SYTL5: variants seen among roughly 807,000 people sequenced by gnomAD.
The protein encoded by SYTL5 is synaptotagmin-like protein 5.
In SYTL5, 34 loss-of-function variants were observed where a neutral mutation model predicts 55.9. The observed-to-expected ratio is 0.61, with a 90% CI of 0.46 to 0.81. The LOEUF is 0.81. Among genes scored for constraint, SYTL5 ranks in the 30% least tolerant of loss-of-function variants. SYTL5 has a pLI of 0.00. For missense variants in SYTL5, 637 were observed against 546.7 expected (o/e 1.17, Z -1.65); for synonymous variants, 221 against 188.7 (o/e 1.17, Z -1.40).
In SYTL5 at chrX:38,054,264, A is replaced by T. The variant is rs1935708367; in HGVS notation, c.171A>T (p.Gln57His). 3.3e-6 allele frequency: 4 copies of T among 1,209,337 alleles called. No homozygotes were observed. Among genetic ancestry groups the T allele is most frequent in the Non-Finnish European group, 4.5e-6 (4 of 895,038 alleles). Residue 57 changes from glutamine (Q) to histidine (H), a missense_variant, in exon 3 of 17, where the codon CAA (glutamine) becomes CAT (histidine). Gln to His is a conservative substitution (Grantham distance 24). Transcript: ENST00000297875. ...LEAKRRSGKT[Q>H]QEASRVCVHC... ...CAAAACGTAGAAGTGGGAAAACTCA[A>T]CAAGAGGCCAGCAGAGTTTGTGTTC...
At chrX:38,038,958 A>G (rs765045150) in intron 2 of SYTL5, among the ~76,000 whole-genome samples, 2 of 111,739 alleles carry the variant, frequency 1.8e-5, no homozygotes, top group Admixed American at 1.9e-4. Context: ...TAGGCCTGAC[A>G]CCCAAATGTG....
chrX:38,024,813 C>T (rs998782307), intron 1 of SYTL5, among the ~76,000 whole-genome samples: 3 of 111,399 alleles, frequency 2.7e-5, no homozygotes, highest in African/African-American at 9.8e-5. Context: ...CTGTTAGCCT[C>T]TCTACTGTTA....
chrX:37,935,114 A>T, the SYTL5 span, among the ~76,000 whole-genome samples: 1 of 112,212 alleles, frequency 8.9e-6, no homozygotes, highest in Admixed American at 9.5e-5. Flanking sequence ...ATCATCACAG[A>T]TCAGGAATCT....
At chrX:38,082,219 ATTG>A (rs1239092234) in intron 6 of SYTL5, among the ~76,000 whole-genome samples, 3 of 111,550 alleles carry the variant, frequency 2.7e-5, no homozygotes, top group African/African-American at 9.8e-5. Context: ...TGTTTCTCCA[ATTG>A]TTTCCCATGG....
chrX:38,016,377 A>G (rs1293992816), intron 1 of SYTL5, among the ~76,000 whole-genome samples: 1 of 111,845 alleles, frequency 8.9e-6, no homozygotes, highest in Non-Finnish European at 1.9e-5. Context: ...CTTACTCTCC[A>G]CAGCTCCTTG....
At chrX:38,021,023 T>G (rs183527699) in intron 1 of SYTL5, among the ~76,000 whole-genome samples, 25 of 111,621 alleles carry the variant, frequency 2.2e-4, no homozygotes, top group Non-Finnish European at 7.5e-5. Context: ...CAACACCAAC[T>G]TTGAGAGGGT....
chrX:38,072,596 A>T (rs1479705046), intron 4 of SYTL5, among the ~76,000 whole-genome samples: 1 of 111,955 alleles, frequency 8.9e-6, no homozygotes, highest in Non-Finnish European at 1.9e-5. Context: ...AAGATTGATA[A>T]TATGTACCTT....
chrX:38,019,117 GA>G (rs1373304079), intron 1 of SYTL5, among the ~76,000 whole-genome samples: 1 of 112,661 alleles, frequency 8.9e-6, no homozygotes, highest in Non-Finnish European at 1.9e-5. Flanking sequence ...ATCCTACCAG[GA>G]AATCTAACTT....
Position 38,125,456 on chromosome X carries a change from C to T in SYTL5, c.2000C>T (p.Ala667Val). The change falls in exon 16 of 17, where the codon GCC becomes GTC. Residue 667 changes from alanine (A) to valine (V), a missense_variant. Ala to Val is a moderately conservative substitution (Grantham distance 64). Transcript: ENST00000297875. ...GAACTTACTATCTGGGACAAGGAGG[C>T]CTTTTCCAGCAACATCTTTCTGGGA... is the stretch of plus-strand genomic sequence containing the variant. ...CLELTIWDKE[A>V]FSSNIFLGGV... 2.5e-6 allele frequency: 3 copies of T among 1,211,394 alleles called. No individual in the cohort carries two copies. The highest frequency in any genetic ancestry group is 3.4e-6 in the Non-Finnish European group (3 of 895,249).
chrX:37,994,556 G>T, the SYTL5 span: 1 of 127,152 alleles, frequency 7.9e-6, no homozygotes. Context: ...AGGAGGTCAA[G>T]AACAGCTGCA....
the SYTL5 span, among the ~76,000 whole-genome samples, chrX:37,925,076 A>C: frequency 9.0e-6 from 1 of 110,870 alleles, no homozygotes; most frequent in Non-Finnish European, 1.9e-5. Flanking sequence ...TATCTCCATG[A>C]GATTCACTTT....
At chrX:37,965,837 A>G in the SYTL5 span, among the ~76,000 whole-genome samples, 1 of 112,430 alleles carries the variant, frequency 8.9e-6, no homozygotes, top group South Asian at 3.6e-4. Context: ...TTGCATTGGC[A>G]CTATTATCAT....
intron 3 of SYTL5, among the ~76,000 whole-genome samples, chrX:38,054,729 T>C (rs1232007337): frequency 9.1e-6 from 1 of 110,223 alleles, no homozygotes; most frequent in Non-Finnish European, 1.9e-5. Context: ...TTTTTAATCA[T>C]TATTAATATT....
At chrX:38,032,809 A>G (rs893994510) in intron 1 of SYTL5, among the ~76,000 whole-genome samples, 1 of 110,859 alleles carries the variant, frequency 9.0e-6, no homozygotes, top group Non-Finnish European at 1.9e-5. Flanking sequence ...AGCTCACTAC[A>G]GTCCTAGGCT....
chrX:37,986,271 A>G, the SYTL5 span, among the ~76,000 whole-genome samples: 1 of 110,660 alleles, frequency 9.0e-6, no homozygotes, highest in African/African-American at 3.3e-5. Flanking sequence ...TCACGTCTCC[A>G]ACAACTGAGC....
intron 10 of SYTL5, chrX:38,102,901 G>A (rs1239594361): frequency 2.1e-6 from 1 of 470,002 alleles, no homozygotes; most frequent in African/African-American, 2.5e-5. Context: ...AGTGTTCAAG[G>A]CCTTTTTTGA....
At chrX:37,994,508 C>A in the SYTL5 span, 20,482 of 184,176 alleles carry the variant, frequency 0.11, 1,600 homozygotes, top group Admixed American at 0.14. Flanking sequence ...CTGGTGTTCT[C>A]GAGTATCTGA....
rs1034467057 is a variant in SYTL5 at position 38,066,710 on chromosome X, A to G, written c.330-5337A>G. Among the ~76,000 whole-genome samples the G allele has an allele frequency of 1.2e-4, 13 of 111,589 alleles. No homozygotes were observed. The East Asian group carries it at 3.1e-3, about 26-fold the overall frequency. ...AATCATATGCAATGCTATGTTTGTT[A>G]TTCCTTGGACTCTACAGGTTTTCAC... On this transcript the variant is annotated intron_variant, in intron 3 of 16. Coordinates refer to ENST00000297875, the MANE Select transcript of SYTL5 (RefSeq NM_138780.3).
At chrX:38,103,164 T>G (rs943799611) in intron 10 of SYTL5, 1 of 749,934 alleles carries the variant, frequency 1.3e-6, no homozygotes, top group Non-Finnish European at 2.0e-6. Context: ...GAACTATGAT[T>G]AAGCAATTTG....
Sources: allele counts gnomAD v4.1 joint callset (sites outside exome capture counted in the v4.1 genomes callset), GRCh38; gene constraint gnomAD v4.1.1; transcripts MANE v1.5; gene names NCBI Gene and HGNC (gene_info 2026-07-23, HGNC 2026-07-21).